The following CRCP variants were observed in gnomAD, a reference collection of about 807,000 sequenced individuals.
CRCP encodes CGRP receptor component.
In CRCP, 18 loss-of-function variants were observed where a neutral mutation model predicts 18.5. That is an observed-to-expected ratio of 0.97 (90% CI 0.67 to 1.44). The LOEUF (loss-of-function observed/expected upper bound fraction) is 1.44. Among genes scored for constraint, CRCP ranks in the 40% most tolerant of loss-of-function variants. The pLI is 0.00. For missense variants in CRCP, 130 were observed against 176.4 expected (o/e 0.74, Z 1.49); for synonymous variants, 53 against 62.9 (o/e 0.84, Z 0.75).
At chr7:66,152,072 G>A (rs548081975) in intron 5 of CRCP, 136 bp from the exon 6 acceptor site, 22 of 868,180 alleles carry the variant, frequency 2.5e-5, no homozygotes, top group Non-Finnish European at 3.6e-5. Context: ...CTGTAAGATG[G>A]AGAGGACTCA....
chr7:66,152,626 C>T lies in CRCP; in HGVS notation c.*269C>T. The stretch of plus-strand genomic sequence containing the variant: ...CCCTCTGTGCTTGAAAGATTTCCTC[C>T]ACGGCCTTTGCCCCAGTTGTGGGGA... On this transcript the variant is annotated 3_prime_UTR_variant, in exon 6 of 6. Coordinates refer to ENST00000395326, the MANE Select transcript of CRCP (RefSeq NM_014478.5). 2.5e-6 allele frequency: 1 copy of T among 405,546 alleles called. No individual in the cohort carries two copies. The highest frequency in any genetic ancestry group is 5.2e-5 in the East Asian group (1 of 19,226). 25.1% of individuals were successfully genotyped at this position (405,546 alleles called of 1,614,324 possible).
At chr7:66,127,592 C>A in intron 1 of CRCP, 112 bp from the exon 2 acceptor site, 1 of 1,193,994 alleles carries the variant, frequency 8.4e-7, no homozygotes, top group Non-Finnish European at 1.2e-6. Context: ...AGGTTGTAGT[C>A]CCTAAATTCA....
At chr7:66,147,462 C>T (rs138673369) in intron 5 of CRCP, among the ~76,000 whole-genome samples, 1 of 152,210 alleles carries the variant, frequency 6.6e-6, no homozygotes. Context: ...GGGCAAGTGT[C>T]CTCTCCATTT....
intron 1 of CRCP, among the ~76,000 whole-genome samples, chr7:66,117,071 A>C (rs186378): frequency 0.1 from 15,448 of 150,508 alleles, 980 homozygotes; most frequent in South Asian, 0.2. Context: ...CAGTGAACCA[A>C]ATTGTGCCAC....
chr7:66,136,732 G>A (rs1184983160), intron 4 of CRCP, among the ~76,000 whole-genome samples: 2 of 152,004 alleles, frequency 1.3e-5, no homozygotes, highest in Non-Finnish European at 2.9e-5. Flanking sequence ...GATTGGGATT[G>A]CCTTACATCT....
intron 3 of CRCP, 143 bp from the exon 4 acceptor site, chr7:66,134,137 G>A (rs1451390619): frequency 3.2e-6 from 2 of 621,998 alleles, no homozygotes; most frequent in Non-Finnish European, 5.6e-6. Flanking sequence ...TGGGATTACA[G>A]GTGTGAGCCA....
Position 66,145,913 on chromosome 7 carries a change from C to T in CRCP, c.297+413C>T, listed in dbSNP as rs552188624. ...TTTCTGGGTGAGGGGAGCATGTGTG[C>T]GCTGTCCCATCAGCTCCCTTCCTTG... On this transcript the variant is annotated intron_variant, in intron 5 of 5. Coordinates refer to ENST00000395326, the MANE Select transcript of CRCP (RefSeq NM_014478.5). Among the ~76,000 whole-genome samples, 62 of 152,208 alleles carry T rather than the reference C, an allele frequency of 4.1e-4. 1 individual carries two copies. Among genetic ancestry groups the T allele is most frequent in the Admixed American group, 3.9e-3 (59 of 15,272 alleles).
intron 4 of CRCP, among the ~76,000 whole-genome samples, chr7:66,141,417 CCT>C (rs1788135224): frequency 6.6e-6 from 1 of 152,152 alleles, no homozygotes; most frequent in Non-Finnish European, 1.5e-5. Context: ...TGGTCCTTCT[CCT>C]CTCTCTGTCT....
chr7:66,115,905 T>C (rs1321858249), intron 1 of CRCP, among the ~76,000 whole-genome samples: 1 of 152,282 alleles, frequency 6.6e-6, no homozygotes, highest in Non-Finnish European at 1.5e-5. Context: ...ACTCAAGCAA[T>C]CCTGCTTCAG....
chr7:66,134,259 C>CTTT, intron 3 of CRCP, 21 bp from the exon 4 acceptor site: 8 of 1,386,614 alleles, frequency 5.8e-6, no homozygotes, highest in African/African-American at 1.6e-5. Flanking sequence ...TGGCTTTTTT[C>CTTT]TTTTTTTTTT....
intron 1 of CRCP, chr7:66,126,637 T>G (rs1255525912): frequency 4.6e-6 from 2 of 431,156 alleles, no homozygotes; most frequent in Admixed American, 2.6e-5. Context: ...CCTTCCATTA[T>G]GGAGATGTTA....
At chr7:66,145,261 G>T (rs1160673658) in intron 4 of CRCP, among the ~76,000 whole-genome samples, 182 bp from the exon 5 acceptor site, 1 of 152,190 alleles carries the variant, frequency 6.6e-6, no homozygotes, top group Non-Finnish European at 1.5e-5. Context: ...CGTACCGTGG[G>T]CTGGGAGTCA....
At chr7:66,136,788 A>G (rs1422568439) in intron 4 of CRCP, among the ~76,000 whole-genome samples, 1 of 151,824 alleles carries the variant, frequency 6.6e-6, no homozygotes, top group Non-Finnish European at 1.5e-5. Flanking sequence ...AATATTAATA[A>G]TTCAAGATCG....
intron 3 of CRCP, among the ~76,000 whole-genome samples, chr7:66,133,536 C>T (rs528690595): frequency 7.8e-4 from 111 of 142,006 alleles, no homozygotes; most frequent in Non-Finnish European, 1.2e-3. Flanking sequence ...AGTGAGACTC[C>T]GTCTCAAAAA....
intron 1 of CRCP, among the ~76,000 whole-genome samples, chr7:66,122,795 G>A (rs1212535234): frequency 1.3e-5 from 2 of 152,094 alleles, no homozygotes; most frequent in Non-Finnish European, 2.9e-5. Context: ...GAGGCCTCTT[G>A]CCTGAGCTTG....
chr7:66,131,117 G>A (rs1787789951), intron 3 of CRCP, among the ~76,000 whole-genome samples: 1 of 152,094 alleles, frequency 6.6e-6, no homozygotes. Context: ...TGGGACTGCA[G>A]GCGCCCTCCA....
intron 1 of CRCP, among the ~76,000 whole-genome samples, chr7:66,125,536 G>A (rs966995379): frequency 6.7e-6 from 1 of 149,444 alleles, no homozygotes; most frequent in Non-Finnish European, 1.5e-5. Context: ...GAGTACCTGT[G>A]TAAACATCAA....
At chr7:66,146,885 G>T (rs1788314410) in intron 5 of CRCP, among the ~76,000 whole-genome samples, 1 of 152,140 alleles carries the variant, frequency 6.6e-6, no homozygotes, top group Non-Finnish European at 1.5e-5. Context: ...CTGTCCCTCT[G>T]GGTTAAAGAT....
At chr7:66,123,054 A>C (rs1235782964) in intron 1 of CRCP, among the ~76,000 whole-genome samples, 1 of 149,938 alleles carries the variant, frequency 6.7e-6, no homozygotes, top group Non-Finnish European at 1.5e-5. Flanking sequence ...TCCCGGGTTC[A>C]CGCCATTCTC....
Sources: allele counts gnomAD v4.1 joint callset (sites outside exome capture counted in the v4.1 genomes callset), GRCh38; gene constraint gnomAD v4.1.1; transcripts MANE v1.5; gene names NCBI Gene and HGNC (gene_info 2026-07-23, HGNC 2026-07-21).